The following PTPRG variants were observed in gnomAD, a reference collection of about 807,000 sequenced individuals.
PTPRG encodes the protein receptor-type tyrosine-protein phosphatase gamma.
In PTPRG, 102 loss-of-function variants were observed where a neutral mutation model predicts 165.3. That is an observed-to-expected ratio of 0.62 (90% CI 0.53 to 0.73). The LOEUF is 0.73. Ranked by LOEUF, PTPRG falls within the 30% of genes least tolerant of loss-of-function variation. PTPRG has a pLI of 0.00. For missense variants in PTPRG, 1,866 were observed against 1,861.4 expected (o/e 1.00, Z -0.05); for synonymous variants, 675 against 669.5 (o/e 1.01, Z -0.13).
intron 16 of PTPRG, among the ~76,000 whole-genome samples, chr3:62,261,595 C>CTTT (rs11374967): frequency 2.4e-5 from 3 of 127,304 alleles, no homozygotes; most frequent in Non-Finnish European, 3.4e-5. Context: ...GCCTGTGGGG[C>CTTT]TTTTTTTTTT....
At chr3:61,857,017 C>A (rs1322715431) in intron 2 of PTPRG, among the ~76,000 whole-genome samples, 1 of 152,090 alleles carries the variant, frequency 6.6e-6, no homozygotes, top group East Asian at 1.9e-4. Context: ...AAAAAAAATG[C>A]CCTTTATGTG....
intron 7 of PTPRG, among the ~76,000 whole-genome samples, chr3:62,167,008 A>G (rs998609959): frequency 2.0e-5 from 3 of 152,074 alleles, no homozygotes; most frequent in African/African-American, 7.2e-5. Flanking sequence ...GATAATAGAA[A>G]TATGATTTGG....
chr3:62,064,767 T>C (rs1180541509), intron 4 of PTPRG, among the ~76,000 whole-genome samples: 2 of 149,102 alleles, frequency 1.3e-5, no homozygotes, highest in African/African-American at 5.0e-5. Context: ...AGTTTCACTG[T>C]TCTTGCCCAG....
At chr3:61,832,689 TA>T (rs869204207) in intron 2 of PTPRG, among the ~76,000 whole-genome samples, 46 of 152,114 alleles carry the variant, frequency 3.0e-4, no homozygotes, top group African/African-American at 1.0e-3. Flanking sequence ...CTTACTTTTT[TA>T]AAAAAAATAT....
chr3:62,084,621 T>C (rs1409052111), intron 5 of PTPRG, among the ~76,000 whole-genome samples: 2 of 152,218 alleles, frequency 1.3e-5, no homozygotes, highest in Non-Finnish European at 2.9e-5. Context: ...GGATTATTTA[T>C]AGACATTGAG....
intron 1 of PTPRG, among the ~76,000 whole-genome samples, chr3:61,733,431 G>T (rs1397288508): frequency 2.0e-5 from 3 of 151,764 alleles, no homozygotes; most frequent in Non-Finnish European, 2.9e-5. Context: ...TGCCTAGATT[G>T]CCTGGTTTTT....
intron 1 of PTPRG, among the ~76,000 whole-genome samples, chr3:61,634,548 T>G (rs1701853945): frequency 6.6e-6 from 1 of 151,820 alleles, no homozygotes; most frequent in African/African-American, 2.4e-5. Flanking sequence ...TGTGTGTGTG[T>G]GTTTTTTTTT....
intron 13 of PTPRG, among the ~76,000 whole-genome samples, chr3:62,226,216 T>C (rs1270124388): frequency 6.6e-6 from 1 of 152,062 alleles, no homozygotes; most frequent in Non-Finnish European, 1.5e-5. Flanking sequence ...AGAGGAGGAG[T>C]AGCATGCCTG....
At chr3:61,586,765 CT>C (rs2106811582) in intron 1 of PTPRG, among the ~76,000 whole-genome samples, 1 of 152,352 alleles carries the variant, frequency 6.6e-6, no homozygotes, top group Admixed American at 6.5e-5. Flanking sequence ...CAGAAACAAT[CT>C]ACTTGGCTTC....
chr3:62,019,393 C>T (rs929379780), intron 4 of PTPRG, among the ~76,000 whole-genome samples: 1 of 151,834 alleles, frequency 6.6e-6, no homozygotes, highest in Non-Finnish European at 1.5e-5. Flanking sequence ...CGTGGTGGCA[C>T]GCATCTGTGG....
chr3:62,294,022 T>C lies in PTPRG; in HGVS notation c.*715T>C, dbSNP rs914227218. The C allele has an allele frequency of 3.9e-5, 6 of 152,582 alleles. No homozygotes were observed. Among genetic ancestry groups the C allele is most frequent in the African/African-American group, 7.2e-5 (3 of 41,460 alleles). The allele number at this position is 152,582 out of a possible 1,614,324, so 9.5% of individuals were successfully genotyped here. A position where few individuals can be genotyped will look rare whatever the true frequency, so the allele number is the denominator to read the frequency against. ...TAACTCTGTATTACAGCTTTCACAG[T>C]AGCTATGTGGACAATGTGTTATTTC... On this transcript the variant is annotated 3_prime_UTR_variant, in exon 30 of 30. Coordinates refer to ENST00000474889, the MANE Select transcript of PTPRG (RefSeq NM_002841.4).
At position 61,561,578 on chromosome 3, in the gene PTPRG, T is replaced by C. The variant is rs1699750175; in HGVS notation, c.-710T>C. 1 of 152,180 alleles carries C rather than the reference T, an allele frequency of 6.6e-6. No homozygotes were observed. 9.4% of individuals were successfully genotyped at this position (152,180 alleles called of 1,614,324 possible). A position where few individuals can be genotyped will look rare whatever the true frequency, so the allele number is the denominator to read the frequency against. ...GCCAGGATCCATGCTCACATGTTAC[T>C]TCCTGTATGGAGGCATGGCCAGTTT... On this transcript the variant is annotated 5_prime_UTR_variant, in exon 1 of 30. Coordinates refer to ENST00000474889, the MANE Select transcript of PTPRG (RefSeq NM_002841.4).
At chr3:62,136,096 A>G (rs1481029429) in intron 6 of PTPRG, among the ~76,000 whole-genome samples, 1 of 152,068 alleles carries the variant, frequency 6.6e-6, no homozygotes, top group Non-Finnish European at 1.5e-5. Context: ...ACAGAGCTTC[A>G]CGTCCCCTTC....
chr3:61,995,500 C>G (rs1359814726), intron 3 of PTPRG, among the ~76,000 whole-genome samples: 1 of 152,010 alleles, frequency 6.6e-6, no homozygotes, highest in Non-Finnish European at 1.5e-5. Context: ...GGCATGGTTG[C>G]TCAAGTGTAA....
intron 2 of PTPRG, among the ~76,000 whole-genome samples, chr3:61,878,332 A>G (rs1307879850): frequency 6.6e-6 from 1 of 152,110 alleles, no homozygotes; most frequent in African/African-American, 2.4e-5. Flanking sequence ...GTAGGATTTA[A>G]TTCTTCTATC....
intron 2 of PTPRG, among the ~76,000 whole-genome samples, chr3:61,940,345 G>A (rs772018759): frequency 3.3e-5 from 5 of 152,184 alleles, no homozygotes; most frequent in Non-Finnish European, 5.9e-5. Context: ...TACTGAGTGC[G>A]TAATTAGTAG....
At chr3:62,131,229 C>T (rs923109035) in intron 5 of PTPRG, among the ~76,000 whole-genome samples, 2 of 152,134 alleles carry the variant, frequency 1.3e-5, no homozygotes, top group African/African-American at 4.8e-5. Flanking sequence ...CCCTCCCCTT[C>T]TCATCCCCCT....
chr3:61,737,797 C>A (rs1187732486), intron 1 of PTPRG, among the ~76,000 whole-genome samples: 2 of 151,850 alleles, frequency 1.3e-5, no homozygotes, highest in East Asian at 3.9e-4. Flanking sequence ...TAGGGATTAT[C>A]TTGGTGGATA....
intron 1 of PTPRG, among the ~76,000 whole-genome samples, chr3:61,702,247 G>A (rs2031007379): frequency 6.6e-6 from 1 of 152,152 alleles, no homozygotes; most frequent in African/African-American, 2.4e-5. Flanking sequence ...CCAAAGTGCT[G>A]GGATTACAGG....
Sources: gnomAD v4.1 joint callset for allele counts (sites outside exome capture counted in the v4.1 genomes callset) on GRCh38, gnomAD v4.1.1 for gene constraint, MANE v1.5 for transcripts, NCBI Gene and HGNC (gene_info 2026-07-23, HGNC 2026-07-21) for gene names.